RHOT1: variants seen among roughly 807,000 people sequenced by gnomAD.
The protein encoded by RHOT1 is ras homolog family member T1.
RHOT1 carries 27 observed loss-of-function variants against 95.3 expected under a neutral mutation model. That is an observed-to-expected ratio of 0.28 (90% CI 0.21 to 0.39). The LOEUF is 0.39. RHOT1 is among the 10% of genes least tolerant of loss of function. The pLI, the probability that RHOT1 is intolerant of heterozygous loss-of-function variation, is 1.00. For synonymous variants in RHOT1, 227 were observed against 263.5 expected, an observed-to-expected ratio of 0.86 and a Z score of 1.34; for missense variants, 578 against 786.7, an observed-to-expected ratio of 0.73 and a Z score of 3.17.
intron 11 of RHOT1, among the ~76,000 whole-genome samples, chr17:32,195,588 C>G (rs1267850841): frequency 6.6e-6 from 1 of 152,120 alleles, no homozygotes; most frequent in South Asian, 2.1e-4. Flanking sequence ...TTCAATCATT[C>G]TTCATTTTTT....
intron 11 of RHOT1, among the ~76,000 whole-genome samples, chr17:32,196,650 C>T (rs575195343): frequency 3.2e-4 from 49 of 152,296 alleles, no homozygotes; most frequent in African/African-American, 1.1e-3. Flanking sequence ...GCTATTTTCA[C>T]CTCTCTCCCT....
At chr17:32,208,438 G>C in intron 18 of RHOT1, 129 bp downstream of exon 18, 1 of 937,080 alleles carries the variant, frequency 1.1e-6, no homozygotes, top group East Asian at 2.5e-5. Context: ...GTAATGAGAA[G>C]GTACAAATTT....
At chr17:32,183,928 C>T (rs148867888) in intron 8 of RHOT1, among the ~76,000 whole-genome samples, 101 of 152,284 alleles carry the variant, frequency 6.6e-4, no homozygotes, top group Admixed American at 2.0e-3. Context: ...TCAAGTGATC[C>T]GCCTGCCTGG....
At chr17:32,167,124 C>A (rs2034155047) in intron 1 of RHOT1, among the ~76,000 whole-genome samples, 1 of 152,126 alleles carries the variant, frequency 6.6e-6, no homozygotes, top group African/African-American at 2.4e-5. Flanking sequence ...AAATAATCTC[C>A]TTGTACGTCT....
intron 6 of RHOT1, among the ~76,000 whole-genome samples, chr17:32,177,608 A>G (rs919646719): frequency 6.6e-6 from 1 of 151,758 alleles, no homozygotes; most frequent in Non-Finnish European, 1.5e-5. Flanking sequence ...CAAAAAAATT[A>G]GCTGGGTGTG....
chr17:32,215,371 A>G (rs2038404621), intron 19 of RHOT1, among the ~76,000 whole-genome samples: 1 of 152,096 alleles, frequency 6.6e-6, no homozygotes, highest in Admixed American at 6.6e-5. Context: ...TTATTACCCC[A>G]CTGTCCCCTA....
At chr17:32,166,444 T>C (rs1305573457) in intron 1 of RHOT1, among the ~76,000 whole-genome samples, 1 of 152,150 alleles carries the variant, frequency 6.6e-6, no homozygotes, top group East Asian at 1.9e-4. Flanking sequence ...ATAAGACAAC[T>C]ATGACATTTG....
intron 4 of RHOT1, among the ~76,000 whole-genome samples, chr17:32,175,622 A>G (rs1259985299): frequency 2.6e-5 from 4 of 152,082 alleles, no homozygotes; most frequent in Non-Finnish European, 5.9e-5. Flanking sequence ...ATGCCCAGCT[A>G]ATTTTTGTAT....
Position 32,208,174 on chromosome 17 carries a change from A to G in RHOT1, c.1604A>G (p.Lys535Arg). 6.2e-7 allele frequency: 1 copy of G among 1,614,160 alleles called. No individual in the cohort carries two copies. The highest frequency in any genetic ancestry group is 1.3e-5 in the African/African-American group (1 of 75,064). The change falls in exon 18 of 20, where the codon AAA (lysine) becomes AGA (arginine). Residue 535 changes from lysine to arginine, a missense_variant. Lys to Arg is a conservative substitution (Grantham distance 26). Transcript: ENST00000545287. ...VAAKSDLHEVKQEYSISPTDF... is the reference protein window; with the variant it reads ...VAAKSDLHEVRQEYSISPTDF... Reference sequence around the variant, plus strand: ...GCAAAGTCAGACCTGCATGAAGTTAAACAAGAATACAGTATTTCACCTACT... The same window carrying G: ...GCAAAGTCAGACCTGCATGAAGTTAGACAAGAATACAGTATTTCACCTACT...
intron 19 of RHOT1, among the ~76,000 whole-genome samples, chr17:32,213,045 C>G (rs2038233286): frequency 6.6e-6 from 1 of 152,080 alleles, no homozygotes; most frequent in South Asian, 2.1e-4. Flanking sequence ...CTGTCTAGGG[C>G]ATGAATTAAC....
chr17:32,154,394 C>T lies in RHOT1; in HGVS notation c.37+11665C>T, dbSNP rs545942060. Among the ~76,000 whole-genome samples, 29 of 149,826 alleles carry T rather than the reference C, an allele frequency of 1.9e-4. No homozygotes were observed. In the South Asian group the frequency reaches 6.1e-3, roughly 32 times the overall value. On this transcript the variant is annotated intron_variant, in intron 1 of 19. Transcript: ENST00000545287. The stretch of plus-strand genomic sequence containing the variant: ...AGGAGATCAAGACCATCCTGGCTAA[C>T]ACAGTGAAACTCCGTCTCTACTAAA...
intron 6 of RHOT1, among the ~76,000 whole-genome samples, chr17:32,181,677 G>T (rs2035647624): frequency 6.6e-6 from 1 of 152,172 alleles, no homozygotes; most frequent in Admixed American, 6.5e-5. Flanking sequence ...TCATTTTGAA[G>T]CAAATAGAGA....
chr17:32,210,507 C>G (rs1457960685), intron 18 of RHOT1, among the ~76,000 whole-genome samples: 1 of 151,984 alleles, frequency 6.6e-6, no homozygotes, highest in Non-Finnish European at 1.5e-5. Flanking sequence ...GAAATCAACC[C>G]TATATTTTAT....
rs781771828 is a variant in RHOT1, at chr17:32,192,231, C to T, written c.571C>T (p.Arg191Cys). The T allele has an allele frequency of 1.2e-5, 18 of 1,563,014 alleles. No homozygotes were observed. The highest frequency in any genetic ancestry group is 2.3e-5 in the East Asian group (1 of 44,172). The part of the protein sequence containing the change: ...MKPACIKALT[R>C]IFKISDQDND... ...ACCAGCTTGTATAAAAGCCCTTACT[C>T]GTATATTTAAAATATCTGATCAAGA... The change falls in exon 9 of 20, where the codon CGT (arginine) becomes TGT (cysteine). Residue 191 changes from arginine to cysteine, a missense_variant. By Grantham distance (180) the Arg-to-Cys change is radical. This residue lies in a region of RHOT1 where 227 missense variants were observed against 316.0 expected (regional missense o/e 0.72). Transcript: ENST00000545287.
intron 1 of RHOT1, among the ~76,000 whole-genome samples, chr17:32,146,899 A>ATTT (rs71144808): frequency 5.1e-5 from 5 of 98,026 alleles, no homozygotes; most frequent in African/African-American, 1.3e-4. Context: ...ATTTTTGTAA[A>ATTT]TTTTTTTTTT....
At chr17:32,160,579 CCT>C (rs1356292282) in intron 1 of RHOT1, among the ~76,000 whole-genome samples, 2 of 152,180 alleles carry the variant, frequency 1.3e-5, no homozygotes, top group Non-Finnish European at 2.9e-5. Flanking sequence ...GCTGTGACTC[CCT>C]CTTTGGGGCC....
At chr17:32,185,245 G>C (rs1002087990) in intron 8 of RHOT1, among the ~76,000 whole-genome samples, 1 of 152,126 alleles carries the variant, frequency 6.6e-6, no homozygotes, top group Admixed American at 6.5e-5. Context: ...CAAGTAGCTG[G>C]AATGATAGGC....
chr17:32,200,262 C>T (rs570083470), intron 13 of RHOT1, among the ~76,000 whole-genome samples: 4 of 151,930 alleles, frequency 2.6e-5, no homozygotes, highest in Non-Finnish European at 4.4e-5. Context: ...GTAGTTCAGT[C>T]TTCAGGTATA....
intron 19 of RHOT1, among the ~76,000 whole-genome samples, chr17:32,217,204 A>T (rs2038528091): frequency 6.6e-6 from 1 of 152,186 alleles, no homozygotes; most frequent in South Asian, 2.1e-4. Context: ...TCTTGACATT[A>T]GTGCACACCT....
Sources: gnomAD v4.1 joint callset for allele counts (sites outside exome capture counted in the v4.1 genomes callset) on GRCh38, gnomAD v4.1.1 for gene constraint, gnomAD v4.1.1 regional missense constraint, MANE v1.5 for transcripts, NCBI Gene and HGNC (gene_info 2026-07-23, HGNC 2026-07-21) for gene names.